Variants in DNAH3 observed in about 807,000 individuals in gnomAD.
DNAH3 encodes the protein dynein axonemal heavy chain 3.
A neutral mutation model predicts 432.5 loss-of-function variants in DNAH3; 332 were observed. That is an observed-to-expected ratio of 0.77 (90% confidence interval 0.70 to 0.84). The LOEUF (loss-of-function observed/expected upper bound fraction) is 0.84. Ranked by LOEUF, DNAH3 falls within the 40% of genes least tolerant of loss-of-function variation. The pLI is 0.00. For synonymous variants in DNAH3, 1,956 were observed against 1,900.2 expected, an observed-to-expected ratio of 1.03 and a Z score of -0.76; for missense variants, 4,861 against 5,114.0, an observed-to-expected ratio of 0.95 and a Z score of 1.51.
chr16:20,982,025 TATATATAATAAAGCAC>T (rs111748501), intron 49 of DNAH3, among the ~76,000 whole-genome samples: 1 of 148,142 alleles, frequency 6.8e-6, no homozygotes, highest in African/African-American at 2.5e-5. Flanking sequence ...ATTAAGTATA[TATATATAATAAAGCAC>T]ATATATATAT....
chr16:20,988,365 T>C (rs969981017), intron 44 of DNAH3, among the ~76,000 whole-genome samples: 1 of 152,246 alleles, frequency 6.6e-6, no homozygotes, highest in African/African-American at 2.4e-5. Flanking sequence ...CTGCGGAAGT[T>C]CTACTGAGTG....
At chr16:20,988,424 T>C (rs2086325866) in intron 44 of DNAH3, among the ~76,000 whole-genome samples, 1 of 152,120 alleles carries the variant, frequency 6.6e-6, no homozygotes, top group Non-Finnish European at 1.5e-5. Context: ...TTATATTACA[T>C]TACTTTTTGA....
chr16:21,093,817 T>C (rs1003395287), intron 18 of DNAH3, among the ~76,000 whole-genome samples: 1 of 151,814 alleles, frequency 6.6e-6, no homozygotes, highest in African/African-American at 2.4e-5. Context: ...ATTAAGTGGA[T>C]AAAAATTTTT....
At chr16:20,957,587 C>T (rs1282076374) in intron 54 of DNAH3, among the ~76,000 whole-genome samples, 3 of 151,746 alleles carry the variant, frequency 2.0e-5, no homozygotes, top group African/African-American at 4.8e-5. Flanking sequence ...CTGAGGTGGG[C>T]GGATCACCTA....
At chr16:21,042,733 C>CAT (rs2089503515) in intron 31 of DNAH3, among the ~76,000 whole-genome samples, 1 of 151,914 alleles carries the variant, frequency 6.6e-6, no homozygotes, top group African/African-American at 2.4e-5. Flanking sequence ...GTGCAGGTTA[C>CAT]ATATATATAC....
At chr16:20,968,921 C>T (rs2085187137) in intron 52 of DNAH3, among the ~76,000 whole-genome samples, 1 of 152,000 alleles carries the variant, frequency 6.6e-6, no homozygotes, top group Non-Finnish European at 1.5e-5. Flanking sequence ...CTCTGGCACT[C>T]CATGTGTCTC....
rs148757454 is a variant in DNAH3, at chr16:21,067,207, C to T, written c.3518+76G>A. ...TGGACTAGATTGGTTGAAGCCAACT[C>T]TTGGCATGAAAAATGTAATTCTACC... On this transcript the variant is annotated intron_variant, in intron 24 of 61. Coordinates refer to ENST00000261383, the Ensembl canonical transcript of DNAH3. The T allele has an allele frequency of 5.8e-5, 90 of 1,555,750 alleles. No individual in the cohort carries two copies. The East Asian group carries it at 1.9e-3, about 33-fold the overall frequency.
At chr16:20,969,976 C>T in exon 52 of DNAH3, 3 of 1,614,020 alleles carry the variant, frequency 1.9e-6, no homozygotes, top group Non-Finnish European at 1.7e-6. Flanking sequence ...CAGCTAGGTC[C>T]CCCTCACATT....
In DNAH3 at chr16:21,060,755, G is replaced by A. The variant is rs565119659; in HGVS notation, c.3721-399C>T. ...TTGGCCAGGATGGTCTTGACCTCCTGACCTCGTGATCTGCCCACCTCGGCC... is the reference window on the plus strand; with the variant it reads ...TTGGCCAGGATGGTCTTGACCTCCTAACCTCGTGATCTGCCCACCTCGGCC... On this transcript the variant is annotated intron_variant, in intron 25 of 61. Coordinates refer to ENST00000261383, the Ensembl canonical transcript of DNAH3. 4.6e-5 allele frequency among the ~76,000 whole-genome samples: 7 copies of A among 150,686 alleles called. No individual in the cohort carries two copies. In the East Asian group the frequency reaches 9.8e-4, roughly 21 times the overall value.
chr16:21,116,609 C>T (rs1001999904), intron 12 of DNAH3, among the ~76,000 whole-genome samples: 107 of 152,170 alleles, frequency 7.0e-4, no homozygotes, highest in African/African-American at 2.4e-3. Context: ...AGCGTGAGAA[C>T]GGACTATACA....
At chr16:21,085,414 C>A (rs1159467411) in intron 19 of DNAH3, among the ~76,000 whole-genome samples, 2 of 149,976 alleles carry the variant, frequency 1.3e-5, no homozygotes, top group African/African-American at 2.5e-5. Flanking sequence ...CATGGTGGCA[C>A]GTGCCTGCAA....
At chr16:21,057,769 G>C (rs1383420074) in intron 27 of DNAH3, among the ~76,000 whole-genome samples, 1 of 152,140 alleles carries the variant, frequency 6.6e-6, no homozygotes, top group Non-Finnish European at 1.5e-5. Flanking sequence ...CCTTGGCTTA[G>C]GAAGAATATA....
chr16:20,960,210 T>G (rs1407902574), intron 53 of DNAH3, among the ~76,000 whole-genome samples: 1 of 152,226 alleles, frequency 6.6e-6, no homozygotes, highest in African/African-American at 2.4e-5. Context: ...AAGGCTTTTT[T>G]CTTTCATGGA....
chr16:21,048,205 CAGTTCG>C (rs2089795267), intron 31 of DNAH3, among the ~76,000 whole-genome samples: 1 of 152,266 alleles, frequency 6.6e-6, no homozygotes, highest in Admixed American at 6.5e-5. Context: ...GGGCTCCACC[CAGTTCG>C]AGCTTCCAGG....
At chr16:21,151,318 C>T (rs940441059) in intron 1 of DNAH3, among the ~76,000 whole-genome samples, 2 of 122,670 alleles carry the variant, frequency 1.6e-5, no homozygotes, top group African/African-American at 3.1e-5. Context: ...CCAGTTTTTC[C>T]CCGTTTTTTT....
rs55797285 is a variant in DNAH3 at position 21,040,358 on chromosome 16, A to ATTTTTTTTT, written c.4639-424_4639-416dup. Among the ~76,000 whole-genome samples the ATTTTTTTTT allele has an allele frequency of 3.3e-4, 26 of 79,696 alleles. 1 individual carries two copies. Among genetic ancestry groups the ATTTTTTTTT allele is most frequent in the South Asian group, 1.1e-3 (2 of 1,892 alleles). 52.3% of individuals were successfully genotyped at this position (79,696 alleles called of 152,430 possible). A position where few individuals can be genotyped will look rare whatever the true frequency, so the allele number is the denominator to read the frequency against. Reference sequence around the variant, plus strand: ...TCAGAAGAATCCCAAAGCCAGACAGATTTTTTTTTTTTTTTTTTTTTTTTT... The same window carrying ATTTTTTTTT: ...TCAGAAGAATCCCAAAGCCAGACAGATTTTTTTTTTTTTTTTTTTTTTTTTTTTTTTTTT... On this transcript the variant is annotated intron_variant, in intron 32 of 61. Transcript: ENST00000261383.
chr16:20,934,404 A>C (rs1399636883), intron 61 of DNAH3, among the ~76,000 whole-genome samples: 1 of 152,182 alleles, frequency 6.6e-6, no homozygotes, highest in Non-Finnish European at 1.5e-5. Flanking sequence ...AATATACCTA[A>C]CCTACAACAA....
intron 1 of DNAH3, chr16:21,158,757 G>A (rs2092920265): frequency 6.5e-6 from 1 of 153,850 alleles, no homozygotes; most frequent in Non-Finnish European, 1.4e-5. Flanking sequence ...GTGAGAGCTC[G>A]GAGCTTGGGG....
At chr16:21,112,029 G>A in exon 13 of DNAH3, 3 of 1,613,732 alleles carry the variant, frequency 1.9e-6, no homozygotes, top group Non-Finnish European at 2.5e-6. Context: ...TTTCTTTCAG[G>A]AACGCAGCGA....
Sources: gnomAD v4.1 joint callset for allele counts (sites outside exome capture counted in the v4.1 genomes callset) on GRCh38, gnomAD v4.1.1 for gene constraint, MANE v1.5 for transcripts, NCBI Gene and HGNC (gene_info 2026-07-23, HGNC 2026-07-21) for gene names.